Variants in SYNDIG1 observed in about 807,000 individuals in gnomAD.
SYNDIG1 encodes the protein synapse differentiation-inducing gene protein 1.
Under a neutral mutation model 19.4 loss-of-function variants are expected in SYNDIG1, and 9 were observed. The ratio of observed to expected loss-of-function variants is 0.46; its 90% CI spans 0.28 to 0.81. The LOEUF is 0.81. SYNDIG1 is among the 30% of genes least tolerant of loss of function. The pLI, the probability that SYNDIG1 is intolerant of heterozygous loss-of-function variation, is 0.12. For missense variants in SYNDIG1, 311 were observed against 343.3 expected (o/e 0.91, Z 0.74); for synonymous variants, 141 against 145.9 (o/e 0.97, Z 0.24).
chr20:24,556,235 C>G (rs868561407), intron 2 of SYNDIG1, among the ~76,000 whole-genome samples: 119 of 152,266 alleles, frequency 7.8e-4, no homozygotes, highest in Middle Eastern at 3.4e-3. Context: ...ATACAGCACA[C>G]TGATGGGTCT....
At chr20:24,569,199 A>T (rs2058101350) in intron 2 of SYNDIG1, among the ~76,000 whole-genome samples, 2 of 152,214 alleles carry the variant, frequency 1.3e-5, no homozygotes, top group Non-Finnish European at 2.9e-5. Context: ...TGACCACAGG[A>T]GGAGAATTTC....
At chr20:24,574,482 C>G (rs531349366) in intron 2 of SYNDIG1, among the ~76,000 whole-genome samples, 27 of 151,946 alleles carry the variant, frequency 1.8e-4, no homozygotes, top group African/African-American at 5.3e-4. Flanking sequence ...GAGCTAGGCT[C>G]TGTCTCTAAA....
chr20:24,510,893 T>C (rs933174349), intron 1 of SYNDIG1, among the ~76,000 whole-genome samples: 2 of 152,232 alleles, frequency 1.3e-5, no homozygotes, highest in Non-Finnish European at 2.9e-5. Flanking sequence ...CATATTATGC[T>C]GAATTCTAGG....
chr20:24,585,822 C>T lies in SYNDIG1; in HGVS notation c.618+829C>T, dbSNP rs2058407933. Among the ~76,000 whole-genome samples, 3 of 152,316 alleles carry T rather than the reference C, an allele frequency of 2.0e-5. No individual in the cohort carries two copies. In the South Asian group the frequency reaches 6.2e-4, roughly 32 times the overall value. ...GAGCACTCCTCTGCTGGCCCAGGGT[C>T]GGGGTGGTGCTGCGCACCCATGGGG... is the stretch of plus-strand genomic sequence containing the variant. On this transcript the variant is annotated intron_variant, in intron 3 of 3. Transcript: ENST00000376862.
At chr20:24,621,600 ACTC>A (rs2059039118) in intron 3 of SYNDIG1, among the ~76,000 whole-genome samples, 1 of 151,728 alleles carries the variant, frequency 6.6e-6, no homozygotes, top group Admixed American at 6.6e-5. Flanking sequence ...TTGGGGGAAA[ACTC>A]TACCCTGGGA....
chr20:24,590,017 C>T (rs182729698), intron 3 of SYNDIG1, among the ~76,000 whole-genome samples: 18 of 152,338 alleles, frequency 1.2e-4, no homozygotes, highest in African/African-American at 4.1e-4. Context: ...ACGTGCTCGT[C>T]GCCTGCCTCT....
At chr20:24,494,927 T>C (rs6036823) in intron 1 of SYNDIG1, among the ~76,000 whole-genome samples, 8 of 152,320 alleles carry the variant, frequency 5.3e-5, no homozygotes, top group African/African-American at 1.9e-4. Context: ...TAGGACCCTC[T>C]GTCAGGAGTG....
intron 2 of SYNDIG1, among the ~76,000 whole-genome samples, chr20:24,555,828 G>A (rs1471975067): frequency 2.6e-5 from 4 of 152,252 alleles, no homozygotes; most frequent in African/African-American, 9.6e-5. Context: ...GGTCCACTTG[G>A]TGCAGAGCTG....
intron 1 of SYNDIG1, among the ~76,000 whole-genome samples, chr20:24,518,320 C>T (rs927995988): frequency 3.3e-5 from 5 of 151,964 alleles, no homozygotes; most frequent in African/African-American, 1.2e-4. Context: ...GGAGAAGCAT[C>T]GACACCTAGC....
intron 3 of SYNDIG1, among the ~76,000 whole-genome samples, chr20:24,649,764 C>A (rs2059452205): frequency 6.6e-6 from 1 of 152,206 alleles, no homozygotes; most frequent in African/African-American, 2.4e-5. Flanking sequence ...TACATGGTTT[C>A]TGTGCCTTCT....
intron 3 of SYNDIG1, among the ~76,000 whole-genome samples, chr20:24,603,177 G>T (rs2058703790): frequency 6.6e-6 from 1 of 152,042 alleles, no homozygotes; most frequent in South Asian, 2.1e-4. Context: ...CCCGTGTTCT[G>T]CTTGGTCATT....
Position 24,665,585 on chromosome 20 carries a change from A to G in SYNDIG1, c.*81A>G. 1.3e-6 allele frequency: 2 copies of G among 1,571,394 alleles called. No individual in the cohort carries two copies. The highest frequency in any genetic ancestry group is 1.7e-6 in the Non-Finnish European group (2 of 1,161,640). On this transcript the variant is annotated 3_prime_UTR_variant, in exon 4 of 4. Transcript: ENST00000376862. ...AAGCAGGCATACCGCATGATGCTGT[A>G]CAGTACAAATGATTGCCAAATGATG...
chr20:24,497,294 C>T (rs1300813737), intron 1 of SYNDIG1, among the ~76,000 whole-genome samples: 1 of 152,146 alleles, frequency 6.6e-6, no homozygotes, highest in Non-Finnish European at 1.5e-5. Context: ...CTTCGCCTCC[C>T]AGTTCGAGCA....
At chr20:24,653,200 C>T (rs999675325) in intron 3 of SYNDIG1, among the ~76,000 whole-genome samples, 9 of 152,216 alleles carry the variant, frequency 5.9e-5, no homozygotes, top group African/African-American at 2.2e-4. Context: ...CAACAAGAAA[C>T]AGAGATGTCA....
chr20:24,562,818 C>A (rs529119268), intron 2 of SYNDIG1, among the ~76,000 whole-genome samples: 1 of 152,128 alleles, frequency 6.6e-6, no homozygotes, highest in Non-Finnish European at 1.5e-5. Context: ...ATAAAGGGAA[C>A]AATGGTCAAA....
At chr20:24,618,311 C>G (rs1017608653) in intron 3 of SYNDIG1, among the ~76,000 whole-genome samples, 2 of 139,160 alleles carry the variant, frequency 1.4e-5, no homozygotes, top group African/African-American at 5.4e-5. Flanking sequence ...AGGGGGAGAG[C>G]CCAGTGAGGG....
At chr20:24,512,030 T>A (rs575802732) in intron 1 of SYNDIG1, among the ~76,000 whole-genome samples, 1 of 148,588 alleles carries the variant, frequency 6.7e-6, no homozygotes, top group Non-Finnish European at 1.5e-5. Flanking sequence ...AGCATCCAGT[T>A]CATATCCCAG....
At chr20:24,533,998 A>G (rs980815269) in intron 1 of SYNDIG1, among the ~76,000 whole-genome samples, 5 of 152,162 alleles carry the variant, frequency 3.3e-5, no homozygotes, top group Non-Finnish European at 5.9e-5. Context: ...GTGAGGCCTC[A>G]GGAGGTTTTT....
chr20:24,479,618 C>G (rs1021576822), intron 1 of SYNDIG1, among the ~76,000 whole-genome samples: 2 of 152,194 alleles, frequency 1.3e-5, no homozygotes, highest in Admixed American at 6.5e-5. Flanking sequence ...ATCACTAGAT[C>G]TAAGTATTTC....
Sources: allele counts gnomAD v4.1 joint callset (sites outside exome capture counted in the v4.1 genomes callset), GRCh38; gene constraint gnomAD v4.1.1; transcripts MANE v1.5; gene names NCBI Gene and HGNC (gene_info 2026-07-23, HGNC 2026-07-21).